Variants in DNAH14 observed in about 807,000 individuals in gnomAD.
DNAH14 encodes the protein axonemal beta dynein heavy chain 14.
DNAH14 carries 478 observed loss-of-function variants against 520.9 expected under a neutral mutation model. The observed-to-expected ratio is 0.92, with a 90% CI of 0.85 to 0.99. DNAH14 has a LOEUF of 0.99. Among genes scored for constraint, DNAH14 ranks in the 50% least tolerant of loss-of-function variants. DNAH14 has a pLI of 0.00. For synonymous variants in DNAH14, 1,581 were observed against 1,757.2 expected (o/e 0.90, Z 2.51); for missense variants, 4,831 against 5,234.5 (o/e 0.92, Z 2.38).
chr1:225,190,674 CA>C (rs2149343791), intron 37 of DNAH14, among the ~76,000 whole-genome samples: 1 of 152,014 alleles, frequency 6.6e-6, no homozygotes, highest in Non-Finnish European at 1.5e-5. Flanking sequence ...AGGAAATTTA[CA>C]AACACAAAGT....
At chr1:225,182,810 A>G (rs890535505) in intron 36 of DNAH14, among the ~76,000 whole-genome samples, 21 of 152,170 alleles carry the variant, frequency 1.4e-4, no homozygotes, top group African/African-American at 5.1e-4. Context: ...CCAGAAAGGA[A>G]TCTGTCATCC....
chr1:224,934,328 A>G (rs895824431), intron 1 of DNAH14, among the ~76,000 whole-genome samples: 1 of 151,982 alleles, frequency 6.6e-6, no homozygotes, highest in Non-Finnish European at 1.5e-5. Flanking sequence ...CTAAAGAGAT[A>G]AGATTCTTTT....
At position 225,085,673 on chromosome 1, in the gene DNAH14, A is replaced by G; in HGVS notation, c.3457A>G (p.Thr1153Ala). 6.4e-7 allele frequency: 1 copy of G among 1,551,360 alleles called. No individual in the cohort carries two copies. The highest frequency in any genetic ancestry group is 8.7e-7 in the Non-Finnish European group (1 of 1,146,792). Residue 1153 changes from threonine to alanine, a missense_variant, in exon 21 of 86, where the codon ACA becomes GCA. By Grantham distance (58) the Thr-to-Ala change is moderately conservative (BLOSUM62 0). Coordinates refer to ENST00000682510, the MANE Select transcript of DNAH14 (RefSeq NM_001367479.1). ...TTPLPLILHH[T>A]EIYSIFIIPS... is the part of the protein sequence containing the mutation. ...TCCTTTGCCTTTAATTCTTCACCAC[A>G]CAGAGATTTACTCTATCTTCATAAT...
At chr1:225,300,387 T>C (rs1475670378) in intron 55 of DNAH14, among the ~76,000 whole-genome samples, 2 of 152,168 alleles carry the variant, frequency 1.3e-5, no homozygotes, top group African/African-American at 4.8e-5. Context: ...AAGCTTATTT[T>C]GACTCAGAAA....
At chr1:225,156,629 C>T (rs922324483) in intron 34 of DNAH14, among the ~76,000 whole-genome samples, 1 of 151,994 alleles carries the variant, frequency 6.6e-6, no homozygotes, top group Non-Finnish European at 1.5e-5. Flanking sequence ...CTGTGTGTCC[C>T]TGCATCTCTC....
chr1:225,035,656 T>TTTTTG (rs766595938), intron 11 of DNAH14, among the ~76,000 whole-genome samples: 109 of 152,138 alleles, frequency 7.2e-4, no homozygotes, highest in Middle Eastern at 6.8e-3. Flanking sequence ...ATTTGTAGGG[T>TTTTTG]TTTTGTTTTG....
chr1:224,973,605 C>T (rs2061634187), intron 7 of DNAH14, among the ~76,000 whole-genome samples: 2 of 152,060 alleles, frequency 1.3e-5, no homozygotes, highest in South Asian at 4.1e-4. Flanking sequence ...CATGTAGGTT[C>T]TTTGAGTTTT....
intron 66 of DNAH14, among the ~76,000 whole-genome samples, chr1:225,334,609 C>T (rs143891019): frequency 6.6e-6 from 1 of 151,680 alleles, no homozygotes; most frequent in East Asian, 1.9e-4. Flanking sequence ...ATTAATTTTC[C>T]TCTCAGAAAA....
chr1:225,306,969 G>A (rs549034692), intron 58 of DNAH14, among the ~76,000 whole-genome samples: 1 of 151,848 alleles, frequency 6.6e-6, no homozygotes, highest in Admixed American at 6.6e-5. Flanking sequence ...TATATGGTTT[G>A]GGTCTCTTAC....
Position 225,141,032 on chromosome 1 carries a change from C to A in DNAH14, c.4508+11C>A. 6.5e-7 allele frequency: 1 copy of A among 1,527,296 alleles called. No homozygotes were observed. Among genetic ancestry groups the A allele is most frequent in the South Asian group, 1.2e-5 (1 of 80,530 alleles). 94.6% of individuals were successfully genotyped at this position (1,527,296 alleles called of 1,614,324 possible). On this transcript the variant is annotated intron_variant, in intron 28 of 85. Transcript: ENST00000682510. ...TTTTGAGTGGACAAGGTAGGTGGATCTAAATTATAACTACATACAATAACT... is the reference window on the plus strand; with the variant it reads ...TTTTGAGTGGACAAGGTAGGTGGATATAAATTATAACTACATACAATAACT...
chr1:225,346,483 G>A lies in DNAH14; in HGVS notation c.11125G>A (p.Asp3709Asn). The A allele has an allele frequency of 6.4e-7, 1 of 1,550,786 alleles. No homozygotes were observed. The highest frequency in any genetic ancestry group is 8.7e-7 in the Non-Finnish European group (1 of 1,146,718). ...GGTTTCTTCAGCTCTATTTAATGAA[G>A]ATAAACTTTGCTTCTCTTTTCGGCT... ...KVVSSALFNE[D>N]KLCFSFRLCT... Residue 3709 changes from aspartate (D) to asparagine (N), a missense_variant, in exon 71 of 86, where the codon GAT (aspartate) becomes AAT (asparagine). Asp to Asn is a conservative substitution (Grantham distance 23, BLOSUM62 1). Coordinates refer to ENST00000682510, the MANE Select transcript of DNAH14 (RefSeq NM_001367479.1).
chr1:225,141,124 T>G, intron 28 of DNAH14, 103 bp downstream of exon 28: 2 of 1,192,812 alleles, frequency 1.7e-6, no homozygotes, highest in Non-Finnish European at 2.3e-6. Context: ...GAGTTTTAAT[T>G]TTGGGGGCTT....
intron 17 of DNAH14, among the ~76,000 whole-genome samples, chr1:225,057,652 A>G (rs2069321419): frequency 1.3e-5 from 2 of 152,292 alleles, no homozygotes; most frequent in Middle Eastern, 3.4e-3. Flanking sequence ...TCAGTATGAT[A>G]TTGGCTGTGG....
chr1:224,997,045 G>T (rs1404547304), intron 8 of DNAH14, among the ~76,000 whole-genome samples: 1 of 152,140 alleles, frequency 6.6e-6, no homozygotes, highest in Non-Finnish European at 1.5e-5. Context: ...ACTTCTGGGA[G>T]TGACCAGCTA....
Position 225,275,562 on chromosome 1 carries a change from TCAGACTGTTG to T in DNAH14, c.8011-350_8011-341del, listed in dbSNP as rs535150133. 6.6e-5 allele frequency among the ~76,000 whole-genome samples: 10 copies of T among 152,328 alleles called. No individual in the cohort carries two copies. The South Asian group carries it at 2.1e-3, about 32-fold the overall frequency. Reference sequence around the variant, plus strand: ...GTAAACTAAGGGAAGATTCTTTTTCTCAGACTGTTGCTGGAACTACAAGATATTTCTAGCA... The same window carrying T: ...GTAAACTAAGGGAAGATTCTTTTTCTCTGGAACTACAAGATATTTCTAGCA... On this transcript the variant is annotated intron_variant, in intron 52 of 85. Transcript: ENST00000682510.
intron 22 of DNAH14, among the ~76,000 whole-genome samples, chr1:225,098,802 A>G (rs1248306236): frequency 6.6e-6 from 1 of 152,174 alleles, no homozygotes; most frequent in Non-Finnish European, 1.5e-5. Flanking sequence ...TAGGCAAGAG[A>G]GTTCAAAGTG....
At position 225,252,324 on chromosome 1, in the gene DNAH14, T is replaced by A; in HGVS notation, c.6772T>A (p.Cys2258Ser). The stretch of plus-strand genomic sequence containing the variant: ...AGGCATCAACCTACCAACTGGTGAA[T>A]GTTCCATCTTTGGATATTTTGTGGA... Reference protein sequence around the residue: ...QVGINLPTGECSIFGYFVDIE... With the variant: ...QVGINLPTGESSIFGYFVDIE... Residue 2258 changes from cysteine (C) to serine (S), a missense_variant, in exon 44 of 86, where the codon TGT (cysteine) becomes AGT (serine). Transcript: ENST00000682510. 1 of 1,549,450 alleles carries A rather than the reference T, an allele frequency of 6.5e-7. No individual in the cohort carries two copies. Among genetic ancestry groups the A allele is most frequent in the Non-Finnish European group, 8.7e-7 (1 of 1,145,492 alleles).
intron 1 of DNAH14, among the ~76,000 whole-genome samples, chr1:224,949,894 C>T (rs2060065513): frequency 6.6e-6 from 1 of 152,092 alleles, no homozygotes; most frequent in South Asian, 2.1e-4. Context: ...ATCTCCTACT[C>T]CCAGATTTCC....
rs533836430 is a variant in DNAH14, at chr1:225,080,396, G to A, written c.2784G>A (p.Leu928=). ...NLKAKIRTPL[L]LCAGTQVSTA... ...TTTTTTAGATAAGAACTCCTCTTCTGTTATGTGCTGGTACTCAAGTGTCAA... is the reference window on the plus strand; with the variant it reads ...TTTTTTAGATAAGAACTCCTCTTCTATTATGTGCTGGTACTCAAGTGTCAA... Residue 928 remains leucine, a synonymous_variant, in exon 19 of 86, where the codon CTG becomes CTA. Coordinates refer to ENST00000682510, the MANE Select transcript of DNAH14 (RefSeq NM_001367479.1). 20 of 1,542,642 alleles carry A rather than the reference G, an allele frequency of 1.3e-5. No individual in the cohort carries two copies. Among genetic ancestry groups the A allele is most frequent in the Admixed American group, 1.2e-4 (6 of 49,948 alleles).
Sources: allele counts gnomAD v4.1 joint callset (sites outside exome capture counted in the v4.1 genomes callset), GRCh38; gene constraint gnomAD v4.1.1; transcripts MANE v1.5; gene names NCBI Gene and HGNC (gene_info 2026-07-23, HGNC 2026-07-21).